MGAT5B: variants seen among roughly 807,000 people sequenced by gnomAD.
The protein encoded by MGAT5B is alpha-1,6-mannosylglycoprotein 6-beta-N-acetylglucosaminyltransferase B, also known as N-acetylglucosaminyl-transferase Vb.
MGAT5B carries 54 observed loss-of-function variants against 95.1 expected under a neutral mutation model. That is an observed-to-expected ratio of 0.57 (90% CI 0.46 to 0.71). The LOEUF (loss-of-function observed/expected upper bound fraction) is 0.71. Among genes scored for constraint, MGAT5B ranks in the 30% least tolerant of loss-of-function variants. The pLI is 0.00. For synonymous variants in MGAT5B, 464 were observed against 451.0 expected, an observed-to-expected ratio of 1.03 and a Z score of -0.36; for missense variants, 935 against 1,088.6, an observed-to-expected ratio of 0.86 and a Z score of 1.99.
At chr17:76,923,092 C>G (rs1037904989) in intron 8 of MGAT5B, among the ~76,000 whole-genome samples, 6 of 152,230 alleles carry the variant, frequency 3.9e-5, no homozygotes, top group African/African-American at 1.4e-4. Flanking sequence ...ACATCATCGA[C>G]ACGGCACCAC....
At chr17:76,880,127 C>A (rs545474525) in intron 2 of MGAT5B, among the ~76,000 whole-genome samples, 19 of 152,208 alleles carry the variant, frequency 1.2e-4, no homozygotes, top group South Asian at 8.3e-4. Flanking sequence ...TCTCCAATAC[C>A]CGACCCCCTC....
chr17:76,872,974 G>A lies in MGAT5B; in HGVS notation c.181+11G>A. ...CCATCCGCACAGAAGGTACCTTGGTGGGGCAAGGGGAGTGTGAGATGAGTG... is the reference window on the plus strand; with the variant it reads ...CCATCCGCACAGAAGGTACCTTGGTAGGGCAAGGGGAGTGTGAGATGAGTG... On this transcript the variant is annotated intron_variant, in intron 2 of 17. Coordinates refer to ENST00000569840, the MANE Select transcript of MGAT5B (RefSeq NM_001199172.2). 1 of 1,612,680 alleles carries A rather than the reference G, an allele frequency of 6.2e-7. No individual in the cohort carries two copies. The highest frequency in any genetic ancestry group is 8.5e-7 in the Non-Finnish European group (1 of 1,179,956).
At position 76,905,422 on chromosome 17, in the gene MGAT5B, G is replaced by A. The variant is rs1968486524; in HGVS notation, c.855+89G>A. Reference sequence around the variant, plus strand: ...GGGCATGGAATAGGTCTTCAAACAAGCTGTAGTGGGCTTCTGAATTTGATC... The same window carrying A: ...GGGCATGGAATAGGTCTTCAAACAAACTGTAGTGGGCTTCTGAATTTGATC... On this transcript the variant is annotated intron_variant, in intron 7 of 17. Coordinates refer to ENST00000569840, the MANE Select transcript of MGAT5B (RefSeq NM_001199172.2). The surrounding 1 kb of genome is among the most constrained non-coding windows in gnomAD (Gnocchi z 4.2). 3.5e-6 allele frequency: 4 copies of A among 1,145,774 alleles called. No homozygotes were observed. The highest frequency in any genetic ancestry group is 3.1e-5 in the African/African-American group (2 of 64,076). 71.0% of individuals were successfully genotyped at this position (1,145,774 alleles called of 1,614,324 possible). A position where few individuals can be genotyped will look rare whatever the true frequency, so the allele number is the denominator to read the frequency against.
chr17:76,944,864 G>A (rs1229487362), intron 15 of MGAT5B, among the ~76,000 whole-genome samples: 1 of 152,216 alleles, frequency 6.6e-6, no homozygotes, highest in African/African-American at 2.4e-5. Flanking sequence ...ACCACCCAAC[G>A]CTGATGAGGA....
intron 8 of MGAT5B, 91 bp from the exon 9 acceptor site, chr17:76,924,875 G>T (rs3889146): frequency 0.73 from 1,085,631 of 1,488,232 alleles, 399,221 homozygotes; most frequent in East Asian, 0.75. Context: ...CTCTGCACTT[G>T]TACAGTTCAT....
rs114240204 is a variant in MGAT5B, at chr17:76,924,981, G to A, written c.1041G>A (p.Pro347=). 9.0e-4 allele frequency: 1,452 copies of A among 1,611,956 alleles called. 1 individual carries two copies. Among genetic ancestry groups the A allele is most frequent in the African/African-American group, 4.7e-3 (349 of 74,810 alleles). The change falls in exon 9 of 18, where the codon CCG becomes CCA. Residue 347 remains proline, a synonymous_variant. Coordinates refer to ENST00000569840, the MANE Select transcript of MGAT5B (RefSeq NM_001199172.2). ...LKELQSNLGV[P]PGRGSCPLTM... ...CTTCTCTCAGTAACTTAGGGGTACC[G>A]CCAGGCCGGGGAAGCTGCCCGCTCA...
chr17:76,869,135 G>C lies in MGAT5B; in HGVS notation c.68+38G>C. 1.9e-6 allele frequency: 3 copies of C among 1,591,444 alleles called. No homozygotes were observed. The highest frequency in any genetic ancestry group is 2.6e-6 in the Non-Finnish European group (3 of 1,159,492). ...CCTGGTTGGTTTTTTCCCCAGGGGG[G>C]CGCCGGGTGGAGGTGGGCGAGGTCG... is the stretch of plus-strand genomic sequence containing the variant. On this transcript the variant is annotated intron_variant, in intron 1 of 17. Transcript: ENST00000569840. This position sits in a 1 kb window ranked among gnomAD's most constrained non-coding sequence, Gnocchi z 7.0.
At position 76,938,024 on chromosome 17, in the gene MGAT5B, A is replaced by G. The variant is rs1969732755; in HGVS notation, c.1465A>G (p.Met489Val). ...GTTCCTGGGCATCCTGAACAAATAC[A>G]TGGAGATCCATGGCACCGTGTACTA... ...EKFLGILNKY[M>V]EIHGTVYYES... Residue 489 changes from methionine (M) to valine (V), a missense_variant, in exon 13 of 18, where the codon ATG becomes GTG. Transcript: ENST00000569840. The surrounding 1 kb of genome is among the most constrained non-coding windows in gnomAD (Gnocchi z 4.3). The G allele has an allele frequency of 1.2e-6, 2 of 1,614,206 alleles. No individual in the cohort carries two copies. The highest frequency in any genetic ancestry group is 1.7e-6 in the Non-Finnish European group (2 of 1,180,018).
At position 76,905,956 on chromosome 17, in the gene MGAT5B, G is replaced by T; in HGVS notation, c.856-62G>T. ...CGGCTGGTCTCCTGGCCGGTGCCCC[G>T]GGGGGGCGGGGCTCAGAGCTGCTGC... On this transcript the variant is annotated intron_variant, in intron 7 of 17. Coordinates refer to ENST00000569840, the MANE Select transcript of MGAT5B (RefSeq NM_001199172.2). This position sits in a 1 kb window ranked among gnomAD's most constrained non-coding sequence, Gnocchi z 4.2. 2 of 1,488,728 alleles carry T rather than the reference G, an allele frequency of 1.3e-6. No homozygotes were observed. The highest frequency in any genetic ancestry group is 1.8e-6 in the Non-Finnish European group (2 of 1,119,580). 92.2% of individuals were successfully genotyped at this position (1,488,728 alleles called of 1,614,324 possible).
At position 76,905,959 on chromosome 17, in the gene MGAT5B, G is replaced by T; in HGVS notation, c.856-59G>T. 3 of 1,500,066 alleles carry T rather than the reference G, an allele frequency of 2.0e-6. No homozygotes were observed. Among genetic ancestry groups the T allele is most frequent in the African/African-American group, 1.4e-5 (1 of 69,252 alleles). The allele number at this position is 1,500,066 out of a possible 1,614,324, so 92.9% of individuals were successfully genotyped here. A position where few individuals can be genotyped will look rare whatever the true frequency, so the allele number is the denominator to read the frequency against. On this transcript the variant is annotated intron_variant, in intron 7 of 17. Coordinates refer to ENST00000569840, the MANE Select transcript of MGAT5B (RefSeq NM_001199172.2). The surrounding 1 kb of genome is among the most constrained non-coding windows in gnomAD (Gnocchi z 4.2). Reference sequence around the variant, plus strand: ...CTGGTCTCCTGGCCGGTGCCCCGGGGGGGCGGGGCTCAGAGCTGCTGCTCC... The same window carrying T: ...CTGGTCTCCTGGCCGGTGCCCCGGGTGGGCGGGGCTCAGAGCTGCTGCTCC...
chr17:76,895,893 G>A (rs901688885), intron 3 of MGAT5B, among the ~76,000 whole-genome samples: 1 of 152,120 alleles, frequency 6.6e-6, no homozygotes, highest in African/African-American at 2.4e-5. Flanking sequence ...TCTACAAGGG[G>A]TTTTTTTGTC....
In MGAT5B at chr17:76,906,925, C is replaced by T. The variant is rs1464913710; in HGVS notation, c.1025+738C>T. Among the ~76,000 whole-genome samples, 1 of 152,104 alleles carries T rather than the reference C, an allele frequency of 6.6e-6. No homozygotes were observed. Among genetic ancestry groups the T allele is most frequent in the Non-Finnish European group, 1.5e-5 (1 of 68,032 alleles). On this transcript the variant is annotated intron_variant, in intron 8 of 17. Transcript: ENST00000569840. This position sits in a 1 kb window ranked among gnomAD's most constrained non-coding sequence, Gnocchi z 4.6. ...GAAACACAACAGTCAAATCACCTCC[C>T]ATGTGTGACCATCCATTTAAGATCA... is the stretch of plus-strand genomic sequence containing the variant.
At chr17:76,909,688 C>A (rs189308879) in intron 8 of MGAT5B, among the ~76,000 whole-genome samples, 1 of 152,160 alleles carries the variant, frequency 6.6e-6, no homozygotes, top group African/African-American at 2.4e-5. Flanking sequence ...TCAGGTAGAA[C>A]GTCTGTGACT....
intron 10 of MGAT5B, among the ~76,000 whole-genome samples, chr17:76,927,814 G>C (rs537325345): frequency 6.6e-6 from 1 of 152,220 alleles, no homozygotes; most frequent in East Asian, 1.9e-4. Context: ...AGCATCTTGC[G>C]TGTGGCTCTT....
chr17:76,882,962 T>C (rs1383806152), intron 3 of MGAT5B, among the ~76,000 whole-genome samples: 1 of 151,938 alleles, frequency 6.6e-6, no homozygotes, highest in Non-Finnish European at 1.5e-5. Context: ...ATCCACCCGT[T>C]TGGCCTTCCA....
intron 2 of MGAT5B, among the ~76,000 whole-genome samples, chr17:76,875,980 A>G (rs1967174647): frequency 6.6e-6 from 1 of 152,148 alleles, no homozygotes; most frequent in Non-Finnish European, 1.5e-5. Flanking sequence ...AGGAGGAGAC[A>G]GACAAGAAAA....
At position 76,912,849 on chromosome 17, in the gene MGAT5B, C is replaced by T. The variant is rs1044007860; in HGVS notation, c.1025+6662C>T. Among the ~76,000 whole-genome samples, 90 of 152,296 alleles carry T rather than the reference C, an allele frequency of 5.9e-4. No homozygotes were observed. The highest frequency in any genetic ancestry group is 2.0e-3 in the African/African-American group (83 of 41,552). On this transcript the variant is annotated intron_variant, in intron 8 of 17. Coordinates refer to ENST00000569840, the MANE Select transcript of MGAT5B (RefSeq NM_001199172.2). This position sits in a 1 kb window ranked among gnomAD's most constrained non-coding sequence, Gnocchi z 5.0. ...AGCCAAACCCTAGTGCCTGCCCAGC[C>T]GCTGCATCCTGAGACGGCCTCGTGC...
At position 76,918,078 on chromosome 17, in the gene MGAT5B, T is replaced by A. The variant is rs1320206010; in HGVS notation, c.1026-6888T>A. Among the ~76,000 whole-genome samples the A allele has an allele frequency of 6.6e-6, 1 of 152,146 alleles. No homozygotes were observed. The highest frequency in any genetic ancestry group is 2.4e-5 in the African/African-American group (1 of 41,436). ...TATTCTTAGCACTGAGTTTGCTTGC[T>A]AGGAAAGAACGCTGGGGAAGAAAGT... On this transcript the variant is annotated intron_variant, in intron 8 of 17. Transcript: ENST00000569840. This position sits in a 1 kb window ranked among gnomAD's most constrained non-coding sequence, Gnocchi z 5.1.
chr17:76,902,792 T>C, intron 4 of MGAT5B, 122 bp downstream of exon 4: 1 of 806,456 alleles, frequency 1.2e-6, no homozygotes, highest in Non-Finnish European at 2.0e-6. Context: ...GCAGCTCTGC[T>C]GGCTCTTCGG....
Sources: allele counts gnomAD v4.1 joint callset (sites outside exome capture counted in the v4.1 genomes callset), GRCh38; gene constraint gnomAD v4.1.1; non-coding constraint Gnocchi (gnomAD v3.1); transcripts MANE v1.5; gene names NCBI Gene and HGNC (gene_info 2026-07-23, HGNC 2026-07-21).